Variants in VAV2 observed in about 807,000 individuals in gnomAD.
VAV2 encodes the protein vav guanine nucleotide exchange factor 2, also known as guanine nucleotide exchange factor VAV2.
A neutral mutation model predicts 132.5 loss-of-function variants in VAV2; 67 were observed. That is an observed-to-expected ratio of 0.51 (90% CI 0.42 to 0.62). The LOEUF (loss-of-function observed/expected upper bound fraction) is 0.62, where lower values mean the gene tolerates loss of function less well. Among genes scored for constraint, VAV2 ranks in the 20% least tolerant of loss-of-function variants. VAV2 has a pLI of 0.00. For synonymous variants in VAV2, 492 were observed against 443.5 expected, an observed-to-expected ratio of 1.11 and a Z score of -1.37; for missense variants, 938 against 1,153.6, an observed-to-expected ratio of 0.81 and a Z score of 2.71.
intron 3 of VAV2, among the ~76,000 whole-genome samples, chr9:133,845,018 T>G (rs978595868): frequency 6.6e-6 from 1 of 152,260 alleles, no homozygotes; most frequent in African/African-American, 2.4e-5. Flanking sequence ...TACCTCTCCC[T>G]GAACACAGCA....
chr9:133,978,084 C>G (rs912323843), intron 1 of VAV2, among the ~76,000 whole-genome samples: 2 of 152,250 alleles, frequency 1.3e-5, no homozygotes, highest in South Asian at 4.1e-4. Flanking sequence ...AAACTGGACA[C>G]ACATTCAAGA....
In VAV2 at chr9:133,776,079, G is replaced by A. The variant is rs201540300; in HGVS notation, c.1967C>T (p.Pro656Leu). The stretch of plus-strand genomic sequence containing the variant: ...CCGGGATGGCGGCCGGCTGATGGGC[G>A]GCTGGTGGCAGAGCACAAGAGTGTT... ...SVKPCPVDGR[P>L]PISRPPSREI... Residue 656 changes from proline to leucine, a missense_variant and splice_region_variant, in exon 24 of 30, where the codon CCG (proline) becomes CTG (leucine). Physicochemically the swap from Pro to Leu is moderately conservative, Grantham distance 98. Transcript: ENST00000371850. 1.9e-5 allele frequency: 31 copies of A among 1,612,876 alleles called. No individual in the cohort carries two copies. The highest frequency in any genetic ancestry group is 1.8e-4 in the East Asian group (8 of 44,882).
intron 1 of VAV2, among the ~76,000 whole-genome samples, chr9:133,964,499 T>C (rs1035374003): frequency 3.3e-5 from 5 of 152,156 alleles, no homozygotes; most frequent in African/African-American, 1.2e-4. Context: ...ATATGTATAA[T>C]GAAAAATACA....
At position 133,934,078 on chromosome 9, in the gene VAV2, G is replaced by T. The variant is rs531216648; in HGVS notation, c.321+5025C>A. 2.6e-5 allele frequency among the ~76,000 whole-genome samples: 4 copies of T among 151,406 alleles called. No homozygotes were observed. The East Asian group carries it at 5.9e-4, about 22-fold the overall frequency. On this transcript the variant is annotated intron_variant, in intron 2 of 29. Transcript: ENST00000371850. ...TGAATGATTGATGGATAGATGGATG[G>T]TGAGTGGATGAATGGCTGGATGGAT...
chr9:133,950,492 G>A (rs1210082725), intron 1 of VAV2, among the ~76,000 whole-genome samples: 3 of 152,178 alleles, frequency 2.0e-5, no homozygotes, highest in Admixed American at 1.3e-4. Flanking sequence ...TGCTGCCGAC[G>A]GTGGGTTTAA....
intron 5 of VAV2, among the ~76,000 whole-genome samples, chr9:133,810,947 G>A (rs577489892): frequency 3.9e-5 from 6 of 152,346 alleles, no homozygotes; most frequent in African/African-American, 1.4e-4. Context: ...TGACCAGTCA[G>A]AGCTCATTCC....
intron 3 of VAV2, among the ~76,000 whole-genome samples, chr9:133,858,469 T>G (rs896294587): frequency 1.4e-4 from 21 of 152,170 alleles, no homozygotes; most frequent in African/African-American, 5.1e-4. Flanking sequence ...ACGCCCGATG[T>G]ATCCTGGCTC....
At chr9:133,958,544 G>C (rs1288821542) in intron 1 of VAV2, among the ~76,000 whole-genome samples, 5 of 143,386 alleles carry the variant, frequency 3.5e-5, no homozygotes, top group Non-Finnish European at 6.3e-5. Flanking sequence ...CCCCCTCTCG[G>C]AGAAACACCC....
chr9:133,982,050 G>C (rs114640756), intron 1 of VAV2, among the ~76,000 whole-genome samples: 1 of 152,228 alleles, frequency 6.6e-6, no homozygotes, highest in Non-Finnish European at 1.5e-5. Flanking sequence ...GGGAAAGCCC[G>C]GGGGACCAAG....
At position 133,877,840 on chromosome 9, in the gene VAV2, T is replaced by C. The variant is rs561731732; in HGVS notation, c.322-16408A>G. Among the ~76,000 whole-genome samples, 19 of 151,178 alleles carry C rather than the reference T, an allele frequency of 1.3e-4. No homozygotes were observed. The South Asian group carries it at 3.9e-3, about 31-fold the overall frequency. On this transcript the variant is annotated intron_variant, in intron 2 of 29. Coordinates refer to ENST00000371850, the MANE Select transcript of VAV2 (RefSeq NM_001134398.2). ...GTATCTCTAACACTACGGCAATAACTTTCCAGTGTCTACCCTTATCTCTGA... is the reference window on the plus strand; with the variant it reads ...GTATCTCTAACACTACGGCAATAACCTTCCAGTGTCTACCCTTATCTCTGA...
At chr9:133,892,894 C>G (rs1299676325) in intron 2 of VAV2, among the ~76,000 whole-genome samples, 2 of 152,196 alleles carry the variant, frequency 1.3e-5, no homozygotes, top group African/African-American at 4.8e-5. Context: ...GCCAAGCGGT[C>G]TCCATCCACG....
chr9:133,809,478 T>C (rs1835281070), intron 6 of VAV2, among the ~76,000 whole-genome samples: 1 of 152,188 alleles, frequency 6.6e-6, no homozygotes, highest in South Asian at 2.1e-4. Flanking sequence ...CCTCAGAAGC[T>C]ACCCCCTCCA....
chr9:133,960,714 C>T (rs374951912), intron 1 of VAV2, among the ~76,000 whole-genome samples: 3 of 152,248 alleles, frequency 2.0e-5, no homozygotes, highest in South Asian at 4.1e-4. Flanking sequence ...CCCCCAGCCC[C>T]GGCATGTGGC....
chr9:133,820,881 C>A (rs1835760806), intron 4 of VAV2, among the ~76,000 whole-genome samples: 1 of 152,184 alleles, frequency 6.6e-6, no homozygotes, highest in Non-Finnish European at 1.5e-5. Context: ...ACCCTCACCT[C>A]AGCGTTCTCA....
intron 3 of VAV2, chr9:133,861,138 G>T: frequency 2.1e-6 from 1 of 469,304 alleles, no homozygotes; most frequent in East Asian, 3.4e-5. Flanking sequence ...AATCGAAAGA[G>T]ATTTTGCAGC....
intron 2 of VAV2, among the ~76,000 whole-genome samples, chr9:133,915,845 GCA>G (rs1374223079): frequency 2.2e-5 from 3 of 134,256 alleles, no homozygotes; most frequent in African/African-American, 5.7e-5. Context: ...CACACACAAC[GCA>G]CACACACACG....
chr9:133,781,712 AGGCAGCTTG>A (rs1284397093), intron 19 of VAV2, among the ~76,000 whole-genome samples: 2 of 152,228 alleles, frequency 1.3e-5, no homozygotes, highest in African/African-American at 4.8e-5. Context: ...ATCAGAGGGA[AGGCAGCTTG>A]GACACTGTTA....
In VAV2 at chr9:133,896,500, G is replaced by A. The variant is rs1282218698; in HGVS notation, c.322-35068C>T. On this transcript the variant is annotated intron_variant, in intron 2 of 29. Transcript: ENST00000371850. Reference sequence around the variant, plus strand: ...AAAAAAGAATAAAATCTTTATAAACGTTAGAGCAGGTCGAAACGTGGGGAC... The same window carrying A: ...AAAAAAGAATAAAATCTTTATAAACATTAGAGCAGGTCGAAACGTGGGGAC... Among the ~76,000 whole-genome samples, 6 of 152,130 alleles carry A rather than the reference G, an allele frequency of 3.9e-5. No individual in the cohort carries two copies. The East Asian group carries it at 7.7e-4, about 20-fold the overall frequency.
chr9:133,836,641 T>C (rs1411233229), intron 3 of VAV2, among the ~76,000 whole-genome samples: 1 of 152,208 alleles, frequency 6.6e-6, no homozygotes, highest in African/African-American at 2.4e-5. Context: ...ACCAAACTCC[T>C]GAGGTTGTGA....
Sources: gnomAD v4.1 joint callset for allele counts (sites outside exome capture counted in the v4.1 genomes callset) on GRCh38, gnomAD v4.1.1 for gene constraint, MANE v1.5 for transcripts, NCBI Gene and HGNC (gene_info 2026-07-23, HGNC 2026-07-21) for gene names.